ATP8B4: variants seen among roughly 807,000 people sequenced by gnomAD.
ATP8B4 encodes ATPase phospholipid transporting 8B4 (putative).
In ATP8B4, 133 loss-of-function variants were observed where a neutral mutation model predicts 145.6. That is an observed-to-expected ratio of 0.91 (90% CI 0.79 to 1.05). The LOEUF (loss-of-function observed/expected upper bound fraction) is 1.05. ATP8B4 is among the 50% of genes least tolerant of loss of function. The probability of loss-of-function intolerance (pLI) is 0.00; values close to 1 mark genes in which losing one functional copy is unlikely to be tolerated. For synonymous variants in ATP8B4, 507 were observed against 492.9 expected, an observed-to-expected ratio of 1.03 and a Z score of -0.38; for missense variants, 1,458 against 1,425.2, an observed-to-expected ratio of 1.02 and a Z score of -0.37.
At chr15:50,054,118 A>T (rs2052397997) in intron 3 of ATP8B4, among the ~76,000 whole-genome samples, 1 of 152,228 alleles carries the variant, frequency 6.6e-6, no homozygotes, top group Admixed American at 6.5e-5. Context: ...AATGCAATGT[A>T]CTAGTCAGGA....
intron 2 of ATP8B4, among the ~76,000 whole-genome samples, chr15:50,091,311 C>T (rs565099732): frequency 3.9e-5 from 6 of 152,126 alleles, no homozygotes; most frequent in African/African-American, 1.2e-4. Flanking sequence ...CAGATTCTGG[C>T]TCAAATACTG....
intron 1 of ATP8B4, among the ~76,000 whole-genome samples, chr15:50,118,652 A>G (rs1346305925): frequency 2.6e-5 from 4 of 152,208 alleles, no homozygotes; most frequent in African/African-American, 9.6e-5. Flanking sequence ...AAATTTTAGC[A>G]CTAAAAACAT....
At chr15:50,014,450 A>G (rs1037244403) in intron 6 of ATP8B4, among the ~76,000 whole-genome samples, 2 of 152,160 alleles carry the variant, frequency 1.3e-5, no homozygotes, top group South Asian at 2.1e-4. Context: ...TTCCAAAAAC[A>G]TTTGCTGAAT....
intron 13 of ATP8B4, among the ~76,000 whole-genome samples, chr15:49,965,633 C>T (rs1427578656): frequency 6.6e-6 from 1 of 152,156 alleles, no homozygotes; most frequent in Non-Finnish European, 1.5e-5. Context: ...GCTTATCTGG[C>T]CATTCAAGGC....
intron 6 of ATP8B4, among the ~76,000 whole-genome samples, chr15:50,036,432 G>T (rs2050840895): frequency 6.6e-6 from 1 of 152,200 alleles, no homozygotes; most frequent in Non-Finnish European, 1.5e-5. Context: ...CAAGCTCATA[G>T]AAGTAATGCA....
intron 3 of ATP8B4, among the ~76,000 whole-genome samples, chr15:50,056,981 C>T (rs569250068): frequency 7.2e-5 from 11 of 152,078 alleles, no homozygotes; most frequent in Non-Finnish European, 1.6e-4. Context: ...CCACCTCGGC[C>T]TCTCACAGAA....
intron 1 of ATP8B4, among the ~76,000 whole-genome samples, chr15:50,109,183 AG>A (rs796720935): frequency 2.0e-4 from 30 of 152,288 alleles, no homozygotes; most frequent in African/African-American, 6.0e-4. Context: ...AGAGTGCTGC[AG>A]GCAAATTGAA....
At chr15:50,142,730 G>A (rs1427749068) in intron 1 of ATP8B4, among the ~76,000 whole-genome samples, 1 of 152,080 alleles carries the variant, frequency 6.6e-6, no homozygotes, top group African/African-American at 2.4e-5. Context: ...ACTGAGTCCT[G>A]GATACTTTCC....
chr15:50,008,484 C>T (rs183874825), intron 7 of ATP8B4, among the ~76,000 whole-genome samples: 3 of 152,320 alleles, frequency 2.0e-5, no homozygotes, highest in African/African-American at 7.2e-5. Context: ...TCACATGTAG[C>T]TATTTAAATC....
At chr15:50,037,464 C>G (rs1183300010) in intron 6 of ATP8B4, among the ~76,000 whole-genome samples, 1 of 152,186 alleles carries the variant, frequency 6.6e-6, no homozygotes, top group African/African-American at 2.4e-5. Flanking sequence ...TACAGAACTC[C>G]TTTAACTTTC....
intron 3 of ATP8B4, among the ~76,000 whole-genome samples, chr15:50,073,597 A>G (rs951329877): frequency 1.3e-5 from 2 of 152,216 alleles, no homozygotes; most frequent in Admixed American, 6.5e-5. Flanking sequence ...TCCTTTGGGT[A>G]TATACCCAGT....
chr15:50,061,098 G>C (rs990010190), intron 3 of ATP8B4, among the ~76,000 whole-genome samples: 2 of 152,068 alleles, frequency 1.3e-5, no homozygotes, highest in Non-Finnish European at 2.9e-5. Context: ...CTTACTCCGA[G>C]ATTTAGGCTA....
intron 8 of ATP8B4, among the ~76,000 whole-genome samples, chr15:49,998,822 T>C (rs1018567753): frequency 1.3e-5 from 2 of 152,248 alleles, no homozygotes; most frequent in African/African-American, 4.8e-5. Flanking sequence ...CCCATGCCTA[T>C]GTCCTGAATG....
chr15:50,105,634 GC>G (rs1374361868), intron 2 of ATP8B4, among the ~76,000 whole-genome samples: 4 of 151,970 alleles, frequency 2.6e-5, no homozygotes, highest in African/African-American at 9.7e-5. Context: ...TATAATTAGA[GC>G]CCTGTAAAGT....
chr15:50,009,023 T>G (rs2048523460), intron 7 of ATP8B4, among the ~76,000 whole-genome samples: 1 of 152,190 alleles, frequency 6.6e-6, no homozygotes. Context: ...CCAAAAACAT[T>G]TGAATGCACA....
chr15:50,118,142 G>A (rs1050625301), intron 1 of ATP8B4, among the ~76,000 whole-genome samples: 1 of 151,994 alleles, frequency 6.6e-6, no homozygotes, highest in Non-Finnish European at 1.5e-5. Context: ...TATAATAAAC[G>A]ATATAGATAT....
At chr15:50,046,297 C>T (rs1047755076) in intron 4 of ATP8B4, among the ~76,000 whole-genome samples, 5 of 152,156 alleles carry the variant, frequency 3.3e-5, no homozygotes, top group East Asian at 1.9e-4. Flanking sequence ...CCCCCTCCCC[C>T]TCTCTGCCCC....
chr15:49,902,667 G>GA (rs569771384), intron 20 of ATP8B4, among the ~76,000 whole-genome samples: 130 of 152,278 alleles, frequency 8.5e-4, no homozygotes, highest in African/African-American at 2.8e-3. Flanking sequence ...GAACAGACAT[G>GA]AAAAATCATT....
intron 12 of ATP8B4, among the ~76,000 whole-genome samples, chr15:49,976,308 C>G (rs371963401): frequency 4.1e-5 from 5 of 121,492 alleles, no homozygotes; most frequent in African/African-American, 1.5e-4. Flanking sequence ...GCTTTATTTT[C>G]CTTACTCTTT....
Sources: gnomAD v4.1 joint callset for allele counts (sites outside exome capture counted in the v4.1 genomes callset) on GRCh38, gnomAD v4.1.1 for gene constraint, MANE v1.5 for transcripts, NCBI Gene and HGNC (gene_info 2026-07-23, HGNC 2026-07-21) for gene names.